The following SLC25A33 variants were observed in gnomAD, a reference collection of about 807,000 sequenced individuals.
The protein encoded by SLC25A33 is solute carrier family 25 member 33, also known as bone marrow stromal cell mitochondrial carrier protein.
SLC25A33 carries 15 observed loss-of-function variants against 35.5 expected under a neutral mutation model. The observed-to-expected ratio is 0.42, with a 90% CI of 0.28 to 0.65. The LOEUF is 0.65. Among genes scored for constraint, SLC25A33 ranks in the 30% least tolerant of loss-of-function variants. The pLI, the probability that SLC25A33 is intolerant of heterozygous loss-of-function variation, is 0.20. For missense variants in SLC25A33, 257 were observed against 398.5 expected (o/e 0.64, Z 3.02); for synonymous variants, 136 against 148.7 (o/e 0.91, Z 0.62).
intron 3 of SLC25A33, among the ~76,000 whole-genome samples, chr1:9,568,972 G>A (rs1380612644): frequency 2.6e-5 from 4 of 152,054 alleles, no homozygotes; most frequent in Non-Finnish European, 5.9e-5. Flanking sequence ...TCGGCTGGGC[G>A]CAGTAGCCCA....
chr1:9,552,074 C>A (rs1643273720), intron 1 of SLC25A33, among the ~76,000 whole-genome samples: 1 of 152,142 alleles, frequency 6.6e-6, no homozygotes, highest in South Asian at 2.1e-4. Flanking sequence ...CAGGTAATAT[C>A]TCGATATGAA....
chr1:9,546,386 G>A (rs943429003), intron 1 of SLC25A33, among the ~76,000 whole-genome samples: 11 of 151,404 alleles, frequency 7.3e-5, no homozygotes, highest in South Asian at 6.3e-4. Context: ...GGGTTTCACC[G>A]TGTTAGCCAG....
At position 9,580,165 on chromosome 1, in the gene SLC25A33, A is replaced by G. The variant is rs200853771; in HGVS notation, c.694A>G (p.Ser232Gly). ...AAATGGGACTGAGAAAAATTCCACA[A>G]GTTTTTTTGGACTTATGGCAGCTGC... The part of the protein sequence containing the change: ...SANGTEKNST[S>G]FFGLMAAAAL... The change falls in exon 6 of 7, where the codon AGT (serine) becomes GGT (glycine). Residue 232 changes from serine (S) to glycine (G), a missense_variant. Physicochemically the swap from Ser to Gly is moderately conservative, Grantham distance 56. Coordinates refer to ENST00000302692, the MANE Select transcript of SLC25A33 (RefSeq NM_032315.3). 24 of 1,609,572 alleles carry G rather than the reference A, an allele frequency of 1.5e-5. No individual in the cohort carries two copies. Among genetic ancestry groups the G allele is most frequent in the African/African-American group, 1.5e-4 (11 of 74,590 alleles).
At chr1:9,552,059 T>G (rs1203414765) in intron 1 of SLC25A33, among the ~76,000 whole-genome samples, 1 of 152,154 alleles carries the variant, frequency 6.6e-6, no homozygotes, top group East Asian at 1.9e-4. Context: ...ATTTAAATAG[T>G]AATTCAGGTA....
chr1:9,564,742 ATATATAT>A (rs1557531709), intron 2 of SLC25A33, among the ~76,000 whole-genome samples: 2 of 86,222 alleles, frequency 2.3e-5, no homozygotes, highest in African/African-American at 4.8e-5. Context: ...AAAAAAAAAT[ATATATAT>A]ATATATATAT....
At chr1:9,573,976 TG>T (rs1469039528) in intron 5 of SLC25A33, among the ~76,000 whole-genome samples, 2 of 150,126 alleles carry the variant, frequency 1.3e-5, no homozygotes, top group East Asian at 2.0e-4. Context: ...TTTGTTTTTT[TG>T]TTGTTGTTGT....
intron 1 of SLC25A33, among the ~76,000 whole-genome samples, chr1:9,552,641 TTTC>T (rs1479827043): frequency 1.3e-3 from 205 of 152,344 alleles, no homozygotes; most frequent in African/African-American, 4.7e-3. Flanking sequence ...CAGAAATACT[TTTC>T]TAGAGTATTC....
intron 4 of SLC25A33, among the ~76,000 whole-genome samples, chr1:9,572,948 C>T (rs956334821): frequency 2.0e-5 from 3 of 151,706 alleles, no homozygotes; most frequent in African/African-American, 7.3e-5. Flanking sequence ...AAGGCATACT[C>T]ACCAAATGGT....
chr1:9,544,379 G>A (rs556365846), intron 1 of SLC25A33, among the ~76,000 whole-genome samples: 9 of 150,338 alleles, frequency 6.0e-5, no homozygotes, highest in Non-Finnish European at 1.2e-4. Flanking sequence ...AGCAATTCTC[G>A]TGCCTCAGCC....
At chr1:9,552,638 A>G (rs1643281865) in intron 1 of SLC25A33, among the ~76,000 whole-genome samples, 1 of 152,322 alleles carries the variant, frequency 6.6e-6, no homozygotes, top group East Asian at 1.9e-4. Context: ...GTGCAGAAAT[A>G]CTTTTCTAGA....
At chr1:9,555,357 A>G (rs1643327219) in intron 2 of SLC25A33, among the ~76,000 whole-genome samples, 1 of 151,994 alleles carries the variant, frequency 6.6e-6, no homozygotes, top group Non-Finnish European at 1.5e-5. Flanking sequence ...TGACCTCGTG[A>G]TCCGCCCACC....
At chr1:9,565,477 C>T (rs532758013) in intron 2 of SLC25A33, among the ~76,000 whole-genome samples, 5 of 150,284 alleles carry the variant, frequency 3.3e-5, no homozygotes, top group African/African-American at 1.2e-4. Flanking sequence ...GATCATGCCA[C>T]TGCACTCCAG....
rs756912912 is a variant in SLC25A33, at chr1:9,539,766, CCG to C, written c.56+27_56+28del. 167 of 1,359,534 alleles carry C rather than the reference CCG, an allele frequency of 1.2e-4. No individual in the cohort carries two copies. In the Middle Eastern group the frequency reaches 1.6e-3, roughly 13 times the overall value. The allele number at this position is 1,359,534 out of a possible 1,614,324, so 84.2% of individuals were successfully genotyped here. A position where few individuals can be genotyped will look rare whatever the true frequency, so the allele number is the denominator to read the frequency against. On this transcript the variant is annotated intron_variant, in intron 1 of 6. Transcript: ENST00000302692. ...CCGGCGGGTGAGTTCCCGGGCCCAGCCGCGCGCGCCCCACCGCCTGCGGTCCC... is the reference window on the plus strand; with the variant it reads ...CCGGCGGGTGAGTTCCCGGGCCCAGCCGCGCGCCCCACCGCCTGCGGTCCC...
intron 2 of SLC25A33, among the ~76,000 whole-genome samples, chr1:9,560,109 G>A (rs1231555629): frequency 2.0e-5 from 3 of 151,968 alleles, no homozygotes; most frequent in Admixed American, 6.6e-5. Flanking sequence ...AAAACCAGCC[G>A]GACATGGCAG....
At chr1:9,569,895 A>G (rs979542658) in intron 3 of SLC25A33, among the ~76,000 whole-genome samples, 6 of 152,180 alleles carry the variant, frequency 3.9e-5, no homozygotes, top group Non-Finnish European at 7.4e-5. Flanking sequence ...AGGGTGAAAA[A>G]GTGTGGTCTA....
At chr1:9,542,021 G>A (rs1024521905) in intron 1 of SLC25A33, among the ~76,000 whole-genome samples, 2 of 151,694 alleles carry the variant, frequency 1.3e-5, no homozygotes, top group African/African-American at 4.8e-5. Flanking sequence ...GGATGGTCTC[G>A]ATCTCCTGAC....
At chr1:9,580,343 G>T (rs1266436902) in intron 6 of SLC25A33, 109 bp downstream of exon 6, 14 of 1,394,618 alleles carry the variant, frequency 1.0e-5, no homozygotes, top group South Asian at 1.4e-5. Context: ...ATCCCTGCAG[G>T]TAAGGTCAGT....
intron 2 of SLC25A33, among the ~76,000 whole-genome samples, chr1:9,562,077 G>A (rs981522446): frequency 1.4e-4 from 21 of 147,314 alleles, no homozygotes; most frequent in Non-Finnish European, 2.2e-4. Context: ...GGCAATATTC[G>A]TGTTTCACGC....
At chr1:9,571,239 C>T (rs1252843471) in intron 4 of SLC25A33, among the ~76,000 whole-genome samples, 1 of 152,162 alleles carries the variant, frequency 6.6e-6, no homozygotes, top group South Asian at 2.1e-4. Context: ...GGGACTTCTT[C>T]CCCGGGATGT....
Sources: gnomAD v4.1 joint callset for allele counts (sites outside exome capture counted in the v4.1 genomes callset) on GRCh38, gnomAD v4.1.1 for gene constraint, MANE v1.5 for transcripts, NCBI Gene and HGNC (gene_info 2026-07-23, HGNC 2026-07-21) for gene names.